Variants in ELMOD1 observed in about 807,000 individuals in gnomAD.
ELMOD1 encodes ELMO domain-containing protein 1.
ELMOD1 carries 21 observed loss-of-function variants against 46.7 expected under a neutral mutation model. That is an observed-to-expected ratio of 0.45 (90% CI 0.32 to 0.65). The LOEUF is 0.65. Among genes scored for constraint, ELMOD1 ranks in the 30% least tolerant of loss-of-function variants. The pLI is 0.04. For synonymous variants in ELMOD1, 122 were observed against 138.2 expected, an observed-to-expected ratio of 0.88 and a Z score of 0.82; for missense variants, 348 against 407.8, an observed-to-expected ratio of 0.85 and a Z score of 1.26.
At chr11:107,632,912 C>G (rs1391674775) in intron 5 of ELMOD1, among the ~76,000 whole-genome samples, 1 of 152,100 alleles carries the variant, frequency 6.6e-6, no homozygotes, top group Non-Finnish European at 1.5e-5. Flanking sequence ...TTGAGGATCC[C>G]TAATCTGAAA....
intron 1 of ELMOD1, among the ~76,000 whole-genome samples, chr11:107,616,666 AG>A (rs1243461633): frequency 3.3e-5 from 5 of 152,374 alleles, no homozygotes; most frequent in East Asian, 3.9e-4. Flanking sequence ...GGCGTGAGCC[AG>A]GGTGCCTGGC....
At chr11:107,593,000 A>G (rs1038864514) in intron 1 of ELMOD1, 3 of 152,632 alleles carry the variant, frequency 2.0e-5, no homozygotes, top group Non-Finnish European at 1.5e-5. Flanking sequence ...CCAGTACAGG[A>G]TGCTGAAAGA....
At chr11:107,595,426 T>A (rs1275577474) in intron 1 of ELMOD1, among the ~76,000 whole-genome samples, 2 of 152,150 alleles carry the variant, frequency 1.3e-5, no homozygotes, top group East Asian at 1.9e-4. Context: ...TGATAGTATA[T>A]GATAAAAAAA....
At chr11:107,605,570 G>A (rs2135658850) in intron 1 of ELMOD1, among the ~76,000 whole-genome samples, 1 of 152,310 alleles carries the variant, frequency 6.6e-6, no homozygotes, top group African/African-American at 2.4e-5. Flanking sequence ...TGCGTAAGAT[G>A]TAGGCAACCG....
intron 6 of ELMOD1, among the ~76,000 whole-genome samples, chr11:107,646,254 G>A (rs1374259158): frequency 6.6e-6 from 1 of 152,118 alleles, no homozygotes; most frequent in Admixed American, 6.5e-5. Context: ...AAGCAGTAAA[G>A]AGTATAATGC....
intron 7 of ELMOD1, among the ~76,000 whole-genome samples, chr11:107,648,877 C>T (rs183437188): frequency 1.4e-4 from 21 of 151,580 alleles, no homozygotes; most frequent in Admixed American, 1.3e-3. Context: ...TTAATTCAGT[C>T]ATGTGTAGTC....
intron 2 of ELMOD1, among the ~76,000 whole-genome samples, chr11:107,624,989 A>G (rs535916275): frequency 3.3e-5 from 5 of 152,290 alleles, no homozygotes; most frequent in East Asian, 1.9e-4. Flanking sequence ...AGGGCCCCAC[A>G]CTATCTGGGC....
intron 2 of ELMOD1, among the ~76,000 whole-genome samples, chr11:107,622,530 C>G (rs1865967828): frequency 6.6e-6 from 1 of 152,202 alleles, no homozygotes; most frequent in Non-Finnish European, 1.5e-5. Flanking sequence ...GACATCTAGT[C>G]CAATCCCTTC....
At chr11:107,604,445 T>G (rs993971468) in intron 1 of ELMOD1, among the ~76,000 whole-genome samples, 2 of 152,176 alleles carry the variant, frequency 1.3e-5, no homozygotes, top group Non-Finnish European at 2.9e-5. Context: ...TAGTACTCAT[T>G]TTCACCAACC....
intron 6 of ELMOD1, among the ~76,000 whole-genome samples, chr11:107,637,338 G>A (rs1224427844): frequency 1.3e-5 from 2 of 152,154 alleles, no homozygotes; most frequent in African/African-American, 4.8e-5. Context: ...TTGGGGAAAG[G>A]CATCATTTCT....
chr11:107,605,867 G>A lies in ELMOD1; in HGVS notation c.-85-12238G>A, dbSNP rs568271992. ...TACCTCTAATATGAGATGCAGCATA[G>A]CCTGTGTGAAATGTAAATGGATAAT... On this transcript the variant is annotated intron_variant, in intron 1 of 11. Coordinates refer to ENST00000265840, the MANE Select transcript of ELMOD1 (RefSeq NM_018712.4). Among the ~76,000 whole-genome samples the A allele has an allele frequency of 2.0e-5, 3 of 152,330 alleles. No homozygotes were observed. The East Asian group carries it at 5.8e-4, about 29-fold the overall frequency.
intron 1 of ELMOD1, among the ~76,000 whole-genome samples, chr11:107,608,184 C>T (rs1865719227): frequency 6.6e-6 from 1 of 151,600 alleles, no homozygotes; most frequent in Admixed American, 6.6e-5. Context: ...ATTTTTTTCT[C>T]CTACTGGTGT....
At chr11:107,659,561 G>A (rs1866693186) in intron 11 of ELMOD1, among the ~76,000 whole-genome samples, 1 of 149,904 alleles carries the variant, frequency 6.7e-6, no homozygotes, top group Non-Finnish European at 1.5e-5. Context: ...ATAAAGAATT[G>A]GCATTTAAGG....
intron 6 of ELMOD1, among the ~76,000 whole-genome samples, chr11:107,639,546 G>C (rs1373593660): frequency 6.6e-6 from 1 of 152,156 alleles, no homozygotes. Context: ...GTGAGAAGCT[G>C]CTTCTCCTTG....
chr11:107,626,123 T>C (rs1297469395), intron 2 of ELMOD1, among the ~76,000 whole-genome samples: 1 of 152,104 alleles, frequency 6.6e-6, no homozygotes, highest in Non-Finnish European at 1.5e-5. Context: ...GAATCTTCCA[T>C]CAAAATGAAG....
At chr11:107,621,147 TA>T (rs1179577303) in intron 2 of ELMOD1, among the ~76,000 whole-genome samples, 1 of 152,228 alleles carries the variant, frequency 6.6e-6, no homozygotes, top group African/African-American at 2.4e-5. Flanking sequence ...TGGAAATTAA[TA>T]AAGGAAAATT....
intron 1 of ELMOD1, among the ~76,000 whole-genome samples, chr11:107,608,040 A>G (rs988019923): frequency 1.4e-5 from 2 of 146,944 alleles, no homozygotes; most frequent in African/African-American, 5.4e-5. Context: ...AAAAGAAAAA[A>G]AAAAGAAAAA....
intron 2 of ELMOD1, among the ~76,000 whole-genome samples, chr11:107,622,314 A>T (rs1865964563): frequency 6.6e-6 from 1 of 152,190 alleles, no homozygotes; most frequent in Non-Finnish European, 1.5e-5. Context: ...AGTTTGTTAG[A>T]TGTAGACCCT....
At position 107,665,039 on chromosome 11, in the gene ELMOD1, G is replaced by C. The variant is rs1183768048; in HGVS notation, c.847G>C (p.Glu283Gln). ...FQQTFCYLMH[E>Q]FHKFWIEEDP... ...GTCTCCAACAGGCTATTTGATGCAT[G>C]AATTTCATAAGTTTTGGATCGAAGA... is the stretch of plus-strand genomic sequence containing the variant. The change falls in exon 12 of 12, where the codon GAA becomes CAA. Residue 283 changes from glutamate (E) to glutamine (Q), a missense_variant. Coordinates refer to ENST00000265840, the MANE Select transcript of ELMOD1 (RefSeq NM_018712.4). The C allele has an allele frequency of 1.2e-6, 2 of 1,613,036 alleles. No homozygotes were observed. The highest frequency in any genetic ancestry group is 2.2e-5 in the South Asian group (2 of 90,910).
Sources: allele counts gnomAD v4.1 joint callset (sites outside exome capture counted in the v4.1 genomes callset), GRCh38; gene constraint gnomAD v4.1.1; transcripts MANE v1.5; gene names NCBI Gene and HGNC (gene_info 2026-07-23, HGNC 2026-07-21).